Variants in NRG1 observed in about 807,000 individuals in gnomAD.
NRG1 encodes neuregulin 1.
Under a neutral mutation model 63.8 loss-of-function variants are expected in NRG1, and 18 were observed. The ratio of observed to expected loss-of-function variants is 0.28; its 90% confidence interval spans 0.19 to 0.42. The LOEUF (loss-of-function observed/expected upper bound fraction) is 0.42. Ranked by LOEUF, NRG1 falls within the 10% of genes least tolerant of loss-of-function variation. NRG1 has a pLI of 1.00. For synonymous variants in NRG1, 302 were observed against 301.3 expected, an observed-to-expected ratio of 1.00 and a Z score of -0.02; for missense variants, 762 against 814.7, an observed-to-expected ratio of 0.94 and a Z score of 0.79.
chr8:32,046,228 A>C (rs1359540890), intron 1 of NRG1, among the ~76,000 whole-genome samples: 4 of 152,088 alleles, frequency 2.6e-5, no homozygotes, highest in Admixed American at 2.6e-4. Context: ...AAATGCAACT[A>C]AAATGATAAT....
At chr8:31,929,859 C>T (rs1343753767) in intron 1 of NRG1, among the ~76,000 whole-genome samples, 4 of 152,184 alleles carry the variant, frequency 2.6e-5, no homozygotes, top group Non-Finnish European at 4.4e-5. Flanking sequence ...TATTTACTGG[C>T]TTGTCAGGTC....
chr8:31,886,344 A>AT (rs1585507358), intron 1 of NRG1, among the ~76,000 whole-genome samples: 1 of 151,968 alleles, frequency 6.6e-6, no homozygotes. Flanking sequence ...GTTTTAGTGT[A>AT]TTTTTTTCTA....
chr8:31,792,817 C>A (rs1251954663), intron 1 of NRG1, among the ~76,000 whole-genome samples: 2 of 152,268 alleles, frequency 1.3e-5, no homozygotes, highest in East Asian at 3.9e-4. Context: ...ACTTCCAGCC[C>A]CATCCAAAAC....
chr8:32,670,073 TTTGA>T (rs1805237834), intron 5 of NRG1, among the ~76,000 whole-genome samples: 1 of 152,220 alleles, frequency 6.6e-6, no homozygotes, highest in Non-Finnish European at 1.5e-5. Flanking sequence ...AATTTTTACG[TTTGA>T]TTTGTTATTG....
intron 1 of NRG1, among the ~76,000 whole-genome samples, chr8:32,227,620 G>C (rs1279322199): frequency 6.6e-6 from 1 of 152,140 alleles, no homozygotes; most frequent in African/African-American, 2.4e-5. Flanking sequence ...CCTGAGGCTT[G>C]AGAAGGCAAT....
intron 1 of NRG1, among the ~76,000 whole-genome samples, chr8:31,732,460 A>G (rs1814187864): frequency 6.6e-6 from 1 of 152,126 alleles, no homozygotes; most frequent in African/African-American, 2.4e-5. Context: ...AGAAAGATAC[A>G]TTAGGTTCCT....
At chr8:31,927,622 G>A (rs1032963891) in intron 1 of NRG1, among the ~76,000 whole-genome samples, 7 of 148,778 alleles carry the variant, frequency 4.7e-5, no homozygotes, top group South Asian at 2.1e-4. Context: ...CTAATTTTTT[G>A]TATTTTTAGT....
At chr8:31,872,515 G>A (rs919871490) in intron 1 of NRG1, among the ~76,000 whole-genome samples, 2 of 152,166 alleles carry the variant, frequency 1.3e-5, no homozygotes, top group Non-Finnish European at 2.9e-5. Flanking sequence ...CAGAGAAAGA[G>A]TTACTGTGGA....
chr8:32,375,161 T>C (rs550508570), intron 1 of NRG1, among the ~76,000 whole-genome samples: 1 of 140,998 alleles, frequency 7.1e-6, no homozygotes, highest in Admixed American at 7.2e-5. Flanking sequence ...GTTTTTTTTT[T>C]AGAGATGAGG....
intron 1 of NRG1, among the ~76,000 whole-genome samples, chr8:31,947,471 A>G (rs1802759658): frequency 6.6e-6 from 1 of 152,188 alleles, no homozygotes; most frequent in Non-Finnish European, 1.5e-5. Flanking sequence ...AGAAAGAATC[A>G]TGGAGAAGAA....
At position 32,759,301 on chromosome 8, in the gene NRG1, TC is replaced by T; in HGVS notation, c.922-3del. On this transcript the variant is annotated splice_region_variant and splice_polypyrimidine_tract_variant and intron_variant, in intron 9 of 11. Coordinates refer to ENST00000356819, the Ensembl canonical transcript of NRG1. ...TCTTCAAGTTGTGTCTCTTTGTTTA[TC>T]CAGCAATACGTATCTAAAAACGTCA... 6.2e-7 allele frequency: 1 copy of T among 1,612,342 alleles called. No individual in the cohort carries two copies. Among genetic ancestry groups the T allele is most frequent in the Non-Finnish European group, 8.5e-7 (1 of 1,179,138 alleles).
chr8:32,041,843 A>G (rs114346072), intron 1 of NRG1, among the ~76,000 whole-genome samples: 2,566 of 152,292 alleles, frequency 0.017, 71 homozygotes, highest in African/African-American at 0.058. Context: ...ACCTCAGGAG[A>G]CCAACCTCAT....
At chr8:31,967,249 C>T (rs2129627750) in intron 1 of NRG1, among the ~76,000 whole-genome samples, 1 of 152,264 alleles carries the variant, frequency 6.6e-6, no homozygotes, top group South Asian at 2.1e-4. Context: ...CTTTCCTCCT[C>T]CTTCTCCCCT....
At position 32,032,395 on chromosome 8, in the gene NRG1, C is replaced by G. The variant is rs538757099; in HGVS notation, c.37+392964C>G. ...TCTCCTGCCTCAGCCTCCGAAGTAG[C>G]TGGGATTATAGGCACCTGCCACTAT... On this transcript the variant is annotated intron_variant, in intron 1 of 10. Transcript: ENST00000519301. Among the ~76,000 whole-genome samples the G allele has an allele frequency of 2.0e-5, 3 of 152,186 alleles. No individual in the cohort carries two copies. The South Asian group carries it at 6.2e-4, about 32-fold the overall frequency.
rs111687989 is a variant in NRG1 at position 32,333,568 on chromosome 8, T to C, written c.38-262260T>C. Among the ~76,000 whole-genome samples, 203 of 152,322 alleles carry C rather than the reference T, an allele frequency of 1.3e-3. 2 individuals carry two copies. Among genetic ancestry groups the C allele is most frequent in the African/African-American group, 4.7e-3 (195 of 41,570 alleles). On this transcript the variant is annotated intron_variant, in intron 1 of 10. Transcript: ENST00000519301. ...GATATGGTCTTGAATCGGTTCTCAATAAATCAAATTTCAGTAAGGGACTCA... is the reference window on the plus strand; with the variant it reads ...GATATGGTCTTGAATCGGTTCTCAACAAATCAAATTTCAGTAAGGGACTCA...
chr8:32,410,176 C>CTTTTTTTTTTTTT (rs374377158), intron 1 of NRG1, among the ~76,000 whole-genome samples: 2 of 99,306 alleles, frequency 2.0e-5, no homozygotes, highest in South Asian at 3.8e-4. Context: ...TTTTTCTTTC[C>CTTTTTTTTTTTTT]TTTTTTTTTT....
chr8:32,550,806 CT>C (rs1448415522), intron 1 of NRG1, among the ~76,000 whole-genome samples: 1 of 152,170 alleles, frequency 6.6e-6, no homozygotes, highest in Non-Finnish European at 1.5e-5. Context: ...AAGTCAGTAT[CT>C]TTAAGTGACA....
intron 1 of NRG1, among the ~76,000 whole-genome samples, chr8:31,842,707 A>G (rs1563470309): frequency 6.6e-6 from 1 of 152,242 alleles, no homozygotes; most frequent in Non-Finnish European, 1.5e-5. Flanking sequence ...CATAGCATCT[A>G]ACTCAATATC....
intron 1 of NRG1, among the ~76,000 whole-genome samples, chr8:32,112,825 C>T (rs1334348498): frequency 6.6e-6 from 1 of 152,124 alleles, no homozygotes; most frequent in African/African-American, 2.4e-5. Flanking sequence ...TGGACTTTGG[C>T]CTCAGACACA....
Sources: gnomAD v4.1 joint callset for allele counts (sites outside exome capture counted in the v4.1 genomes callset) on GRCh38, gnomAD v4.1.1 for gene constraint, MANE v1.5 for transcripts, NCBI Gene and HGNC (gene_info 2026-07-23, HGNC 2026-07-21) for gene names.